UIMC1: variants seen among roughly 807,000 people sequenced by gnomAD.
The protein encoded by UIMC1 is BRCA1-A complex subunit RAP80.
In UIMC1, 42 loss-of-function variants were observed where a neutral mutation model predicts 84.9. That is an observed-to-expected ratio of 0.49 (90% CI 0.39 to 0.64). The LOEUF is 0.64. Among genes scored for constraint, UIMC1 ranks in the 30% least tolerant of loss-of-function variants. UIMC1 has a pLI of 0.00. For missense variants in UIMC1, 825 were observed against 847.6 expected (o/e 0.97, Z 0.33); for synonymous variants, 281 against 293.0 (o/e 0.96, Z 0.42).
intron 8 of UIMC1, among the ~76,000 whole-genome samples, chr5:176,954,430 C>T (rs756582109): frequency 2.6e-5 from 4 of 151,982 alleles, no homozygotes; most frequent in Non-Finnish European, 5.9e-5. Flanking sequence ...AATTAAGGAG[C>T]CACTTTCAAT....
In UIMC1 at chr5:176,905,182, G is replaced by C. The variant is rs1031633007; in HGVS notation, c.*100C>G. 1 of 1,314,630 alleles carries C rather than the reference G, an allele frequency of 7.6e-7. No homozygotes were observed. Among genetic ancestry groups the C allele is most frequent in the African/African-American group, 1.5e-5 (1 of 67,766 alleles). 81.4% of individuals were successfully genotyped at this position (1,314,630 alleles called of 1,614,324 possible). The stretch of plus-strand genomic sequence containing the variant: ...AGGTGCTGGTGGTGAAAACTGCAGG[G>C]CTAAAACTTGCTCAACAATGAACTA... On this transcript the variant is annotated 3_prime_UTR_variant, in exon 15 of 15. Transcript: ENST00000511320.
At position 176,982,550 on chromosome 5, in the gene UIMC1, C is replaced by T. The variant is rs1771213645; in HGVS notation, c.66G>A (p.Val22=). 1 of 1,613,972 alleles carries T rather than the reference C, an allele frequency of 6.2e-7. No individual in the cohort carries two copies. The highest frequency in any genetic ancestry group is 1.1e-5 in the South Asian group (1 of 91,078). ...TCACACTGACAGAACTGGTAGTTTC[C>T]ACATCCTTCTTCTCCAGGTTCCGAG... The part of the protein sequence containing the change: ...SESRNLEKKD[V]ETTSSVSVKR... The change falls in exon 2 of 15, where the codon GTG becomes GTA. Residue 22 remains valine (V), a synonymous_variant. Coordinates refer to ENST00000511320, the MANE Select transcript of UIMC1 (RefSeq NM_001199298.2).
intron 10 of UIMC1, among the ~76,000 whole-genome samples, chr5:176,930,376 G>A (rs1235570110): frequency 6.6e-6 from 1 of 152,154 alleles, no homozygotes; most frequent in African/African-American, 2.4e-5. Flanking sequence ...ATTCTATAGA[G>A]CACAGATTAC....
intron 2 of UIMC1, among the ~76,000 whole-genome samples, chr5:176,976,748 C>T (rs1770137123): frequency 2.0e-5 from 3 of 152,210 alleles, no homozygotes; most frequent in Admixed American, 6.5e-5. Context: ...GAAAGTAGAT[C>T]AGTGGTTGTC....
At chr5:176,981,790 G>GA (rs1047674077) in intron 2 of UIMC1, among the ~76,000 whole-genome samples, 37 of 145,774 alleles carry the variant, frequency 2.5e-4, no homozygotes, top group Middle Eastern at 3.4e-3. Context: ...CCTGGCTCTA[G>GA]AAAAAAAAAA....
At chr5:177,016,194 G>A (rs918546682) in intron 1 of UIMC1, among the ~76,000 whole-genome samples, 5 of 150,732 alleles carry the variant, frequency 3.3e-5, no homozygotes, top group South Asian at 2.1e-4. Flanking sequence ...GTGAAACCCC[G>A]TCTCTACTAA....
chr5:176,907,949 A>C (rs1240188407), intron 12 of UIMC1, among the ~76,000 whole-genome samples: 2 of 152,228 alleles, frequency 1.3e-5, no homozygotes, highest in Non-Finnish European at 2.9e-5. Context: ...AAAGAACCAA[A>C]ATGTCCAATA....
chr5:176,922,530 C>A (rs1761832650), intron 10 of UIMC1, among the ~76,000 whole-genome samples: 1 of 152,336 alleles, frequency 6.6e-6, no homozygotes, highest in East Asian at 1.9e-4. Context: ...TAGTCTCCTC[C>A]AAATTATGGT....
intron 6 of UIMC1, among the ~76,000 whole-genome samples, chr5:176,961,131 A>C (rs1388356111): frequency 5.1e-5 from 4 of 77,902 alleles, no homozygotes; most frequent in African/African-American, 9.5e-5. Flanking sequence ...TCGGCTGCCC[A>C]GTCTGGGAAG....
rs183962089 is a variant in UIMC1, at chr5:176,991,145, T to C, written c.-8-8522A>G. Among the ~76,000 whole-genome samples, 1,302 of 151,950 alleles carry C rather than the reference T, an allele frequency of 8.6e-3. 21 individuals are homozygous for C. The highest frequency in any genetic ancestry group is 0.03 in the African/African-American group (1,255 of 41,428). The stretch of plus-strand genomic sequence containing the variant: ...GCTTCAGCCTCCTGAGTAGCTGGGA[T>C]TACAGGCGCCCGCCACCACGCCCGG... On this transcript the variant is annotated intron_variant, in intron 1 of 14. Transcript: ENST00000511320.
chr5:176,936,151 A>T (rs1365850864), intron 10 of UIMC1, among the ~76,000 whole-genome samples: 1 of 152,208 alleles, frequency 6.6e-6, no homozygotes, highest in Non-Finnish European at 1.5e-5. Flanking sequence ...AAGACTACAC[A>T]GATAGGAAAG....
chr5:176,942,864 G>T (rs1018204344), intron 10 of UIMC1, among the ~76,000 whole-genome samples: 1 of 151,564 alleles, frequency 6.6e-6, no homozygotes, highest in Admixed American at 6.6e-5. Context: ...AGAGCAGCCT[G>T]GCCAACATGG....
At chr5:176,950,373 C>A in intron 9 of UIMC1, among the ~76,000 whole-genome samples, 1 of 151,338 alleles carries the variant, frequency 6.6e-6, no homozygotes, top group East Asian at 2.0e-4. Context: ...GCTCGGATTA[C>A]AGGCATGAGC....
intron 10 of UIMC1, among the ~76,000 whole-genome samples, chr5:176,924,308 G>A (rs1225129160): frequency 4.7e-5 from 7 of 148,004 alleles, no homozygotes; most frequent in Non-Finnish European, 3.0e-5. Context: ...ACAAGAGTGA[G>A]AATTCGTCTC....
chr5:176,980,024 C>A (rs1581626236), intron 2 of UIMC1: 2 of 152,266 alleles, frequency 1.3e-5, no homozygotes, highest in South Asian at 4.2e-4. Context: ...TTGTCTCTCT[C>A]CTGGAGCTGG....
In UIMC1 at chr5:176,994,002, C is replaced by CT. The variant is rs1305212405; in HGVS notation, c.-8-11380dup. On this transcript the variant is annotated intron_variant, in intron 1 of 14. Coordinates refer to ENST00000511320, the MANE Select transcript of UIMC1 (RefSeq NM_001199298.2). ...CAGCCTGGGTAACAAGAGTGAAACTCTATCTCAAAAAAAAAAAAAAAGAAG... is the reference window on the plus strand; with the variant it reads ...CAGCCTGGGTAACAAGAGTGAAACTCTTATCTCAAAAAAAAAAAAAAAGAAG... Among the ~76,000 whole-genome samples, 3 of 145,702 alleles carry CT rather than the reference C, an allele frequency of 2.1e-5. 1 individual carries two copies. The highest frequency in any genetic ancestry group is 7.6e-5 in the African/African-American group (3 of 39,434).
intron 1 of UIMC1, among the ~76,000 whole-genome samples, chr5:176,994,510 TAAAAAA>T (rs58699518): frequency 1.4e-5 from 2 of 138,346 alleles, no homozygotes; most frequent in Non-Finnish European, 3.1e-5. Flanking sequence ...GCAGTTTCTT[TAAAAAA>T]AAAAAAAAAA....
chr5:177,022,143 G>A (rs1174947786), intron 1 of UIMC1, among the ~76,000 whole-genome samples: 6 of 152,094 alleles, frequency 3.9e-5, no homozygotes, highest in Admixed American at 3.9e-4. Context: ...CTCTGGGGTT[G>A]GAAGATAAAA....
chr5:177,018,225 C>A (rs1023997446), intron 1 of UIMC1, among the ~76,000 whole-genome samples: 1 of 151,938 alleles, frequency 6.6e-6, no homozygotes, highest in East Asian at 1.9e-4. Flanking sequence ...GTGGTGCACA[C>A]CTGTAGTCCT....
Sources: allele counts gnomAD v4.1 joint callset (sites outside exome capture counted in the v4.1 genomes callset), GRCh38; gene constraint gnomAD v4.1.1; transcripts MANE v1.5; gene names NCBI Gene and HGNC (gene_info 2026-07-23, HGNC 2026-07-21).